The following HMGA2 variants were observed in gnomAD, a reference collection of about 807,000 sequenced individuals.
The protein encoded by HMGA2 is high mobility group AT-hook 2.
Under a neutral mutation model 19.1 loss-of-function variants are expected in HMGA2, and 8 were observed. The ratio of observed to expected loss-of-function variants is 0.42; its 90% CI spans 0.25 to 0.76. The LOEUF (loss-of-function observed/expected upper bound fraction) is 0.76. HMGA2 is among the 30% of genes least tolerant of loss of function. The pLI is 0.28. For missense variants in HMGA2, 109 were observed against 136.3 expected, an observed-to-expected ratio of 0.80 and a Z score of 1.00; for synonymous variants, 60 against 48.8, an observed-to-expected ratio of 1.23 and a Z score of -0.96.
intron 3 of HMGA2, among the ~76,000 whole-genome samples, chr12:65,849,004 T>C (rs981338743): frequency 6.6e-6 from 1 of 152,238 alleles, no homozygotes; most frequent in African/African-American, 2.4e-5. Flanking sequence ...AATAACTGTA[T>C]GTGCATGGAG....
At chr12:65,877,265 G>C (rs531537596) in intron 3 of HMGA2, 2 of 152,358 alleles carry the variant, frequency 1.3e-5, no homozygotes, top group East Asian at 3.9e-4. Flanking sequence ...GCAGCCCTGC[G>C]TCTGCTGGCT....
chr12:65,838,233 A>G (rs1437994800), intron 2 of HMGA2, among the ~76,000 whole-genome samples: 2 of 152,152 alleles, frequency 1.3e-5, no homozygotes, highest in African/African-American at 2.4e-5. Context: ...ATAGCTTTTG[A>G]AAAAGCATTT....
In HMGA2 at chr12:65,951,391, A is replaced by C; in HGVS notation, c.258A>C (p.Gln86His). The C allele has an allele frequency of 6.5e-7, 1 of 1,528,542 alleles. No individual in the cohort carries two copies. Among genetic ancestry groups the C allele is most frequent in the Non-Finnish European group, 8.8e-7 (1 of 1,131,262 alleles). The allele number at this position is 1,528,542 out of a possible 1,614,324, so 94.7% of individuals were successfully genotyped here. ...PRGRPRKWPQ[Q>H]VVQKKPAQEE... Reference sequence around the variant, plus strand: ...TTTCTTTTCCTCCTTAGCCACAACAAGTTGTTCAGAAGAAGCCTGCTCAGG... The same window carrying C: ...TTTCTTTTCCTCCTTAGCCACAACACGTTGTTCAGAAGAAGCCTGCTCAGG... The change falls in exon 4 of 5, where the codon CAA (glutamine) becomes CAC (histidine). Residue 86 changes from glutamine to histidine, a missense_variant. Gln to His is a conservative substitution (Grantham distance 24). Transcript: ENST00000403681.
intron 3 of HMGA2, among the ~76,000 whole-genome samples, chr12:65,909,476 G>A (rs1874748045): frequency 6.6e-6 from 1 of 152,020 alleles, no homozygotes; most frequent in African/African-American, 2.4e-5. Flanking sequence ...CAGTCATAGG[G>A]AAGACAAAGT....
chr12:65,863,432 A>G (rs1368165610), intron 3 of HMGA2, among the ~76,000 whole-genome samples: 2 of 152,168 alleles, frequency 1.3e-5, no homozygotes, highest in African/African-American at 2.4e-5. Flanking sequence ...AAGCCAAAAC[A>G]GGGCACAAGT....
At position 65,935,786 on chromosome 12, in the gene HMGA2, TAATTA is replaced by T. The variant is rs879342862; in HGVS notation, c.250-15592_250-15588del. Among the ~76,000 whole-genome samples, 55 of 152,310 alleles carry T rather than the reference TAATTA, an allele frequency of 3.6e-4. No individual in the cohort carries two copies. In the Middle Eastern group the frequency reaches 0.014, roughly 38 times the overall value. Reference sequence around the variant, plus strand: ...ATCCTGAAATGTAATTGGTAGTCATTAATTAAATTTTATAAAATAGATGTTCCTTT... The same window carrying T: ...ATCCTGAAATGTAATTGGTAGTCATTAATTTTATAAAATAGATGTTCCTTT... On this transcript the variant is annotated intron_variant, in intron 3 of 4. Transcript: ENST00000403681.
At chr12:65,896,043 A>G (rs991428875) in intron 3 of HMGA2, among the ~76,000 whole-genome samples, 1 of 152,224 alleles carries the variant, frequency 6.6e-6, no homozygotes, top group Non-Finnish European at 1.5e-5. Context: ...AAATAAAACT[A>G]TATTCCTGTT....
intron 3 of HMGA2, among the ~76,000 whole-genome samples, chr12:65,909,445 A>G (rs1361499801): frequency 6.6e-6 from 1 of 152,022 alleles, no homozygotes; most frequent in Non-Finnish European, 1.5e-5. Flanking sequence ...TAATCTTTTT[A>G]CAGGCATATT....
chr12:65,952,077 C>A, intron 4 of HMGA2: 1 of 329,798 alleles, frequency 3.0e-6, no homozygotes, highest in Non-Finnish European at 5.5e-6. Flanking sequence ...ATTGAGGAAG[C>A]ATATCTTGAA....
chr12:65,916,489 T>C (rs545344852), intron 3 of HMGA2, among the ~76,000 whole-genome samples: 3 of 152,190 alleles, frequency 2.0e-5, no homozygotes, highest in East Asian at 1.9e-4. Context: ...TCTGGGAACA[T>C]AATATAAAAA....
chr12:65,856,155 A>G (rs1200788945), intron 3 of HMGA2: 1 of 152,204 alleles, frequency 6.6e-6, no homozygotes, highest in Non-Finnish European at 1.5e-5. Flanking sequence ...AAATGTGGCC[A>G]CATTGCTGCA....
At chr12:65,927,739 T>C (rs1011781739) in intron 3 of HMGA2, among the ~76,000 whole-genome samples, 12 of 152,110 alleles carry the variant, frequency 7.9e-5, no homozygotes, top group Middle Eastern at 6.8e-3. Flanking sequence ...TACAAACTTC[T>C]CTTGTCCTCA....
intron 3 of HMGA2, among the ~76,000 whole-genome samples, chr12:65,891,559 C>T (rs1873912671): frequency 1.3e-5 from 2 of 152,170 alleles, no homozygotes; most frequent in African/African-American, 4.8e-5. Flanking sequence ...GTTTCATCAA[C>T]ATGCATTGTT....
intron 3 of HMGA2, among the ~76,000 whole-genome samples, chr12:65,931,585 GTGTGTT>G (rs773748426): frequency 6.9e-6 from 1 of 143,938 alleles, no homozygotes; most frequent in East Asian, 2.7e-4. Flanking sequence ...GTGTGTGTGT[GTGTGTT>G]TGTGTGCGTA....
At chr12:65,841,581 G>C (rs1870998244) in intron 3 of HMGA2, among the ~76,000 whole-genome samples, 2 of 152,180 alleles carry the variant, frequency 1.3e-5, no homozygotes, top group Admixed American at 1.3e-4. Flanking sequence ...CATAGGAAAT[G>C]GGCTTATACT....
intron 4 of HMGA2, among the ~76,000 whole-genome samples, chr12:65,961,217 G>A (rs969929075): frequency 6.6e-6 from 1 of 152,186 alleles, no homozygotes; most frequent in East Asian, 1.9e-4. Context: ...ATGTCAGAAT[G>A]AGAAGTGAAT....
Position 65,838,524 on chromosome 12 carries a change from A to G in HMGA2, c.204A>G (p.Ala68=), listed in dbSNP as rs1870836891. The change falls in exon 3 of 5, where the codon GCA becomes GCG. Residue 68 remains alanine (A), a synonymous_variant. Transcript: ENST00000403681. ...ACTTCCTTTTTCATTTGCAGAAAGC[A>G]GAAGCCACTGGAGAAAAACGGCCAA... ...KSPSKAAQKK[A]EATGEKRPRG... 1.2e-6 allele frequency: 2 copies of G among 1,611,236 alleles called. No individual in the cohort carries two copies. The highest frequency in any genetic ancestry group is 1.3e-5 in the African/African-American group (1 of 74,874).
At chr12:65,917,710 G>C (rs1012210213) in intron 3 of HMGA2, among the ~76,000 whole-genome samples, 1 of 152,174 alleles carries the variant, frequency 6.6e-6, no homozygotes, top group Admixed American at 6.5e-5. Flanking sequence ...AAAGGCTGGA[G>C]TTTCCTGGAG....
chr12:65,828,238 C>T lies in HMGA2; in HGVS notation c.198+151C>T, dbSNP rs554766255. On this transcript the variant is annotated intron_variant, in intron 2 of 4. Coordinates refer to ENST00000403681, the MANE Select transcript of HMGA2 (RefSeq NM_003483.6). ...TCTTACATTTAACATTAGTTAGATG[C>T]GAGTTAACCTTTTTTGTAAGCAGAT... The T allele has an allele frequency of 3.9e-4, 260 of 673,654 alleles. 1 individual carries two copies. Among genetic ancestry groups the T allele is most frequent in the Non-Finnish European group, 6.6e-4 (242 of 366,958 alleles). 41.7% of individuals were successfully genotyped at this position (673,654 alleles called of 1,614,324 possible).
Sources: allele counts gnomAD v4.1 joint callset (sites outside exome capture counted in the v4.1 genomes callset), GRCh38; gene constraint gnomAD v4.1.1; transcripts MANE v1.5; gene names NCBI Gene and HGNC (gene_info 2026-07-23, HGNC 2026-07-21).